The following DLG2 variants were observed in gnomAD, a reference collection of about 807,000 sequenced individuals.
DLG2 encodes the protein disks large homolog 2.
Under a neutral mutation model 132.5 loss-of-function variants are expected in DLG2, and 45 were observed. The ratio of observed to expected loss-of-function variants is 0.34; its 90% CI spans 0.27 to 0.44. DLG2 has a LOEUF of 0.44. Ranked by LOEUF, DLG2 falls within the 20% of genes least tolerant of loss-of-function variation. The pLI, the probability that DLG2 is intolerant of heterozygous loss-of-function variation, is 1.00. For missense variants in DLG2, 1,045 were observed against 1,196.9 expected, an observed-to-expected ratio of 0.87 and a Z score of 1.87; for synonymous variants, 424 against 419.6, an observed-to-expected ratio of 1.01 and a Z score of -0.13.
At chr11:83,641,910 TGTGA>T (rs2066671514) in intron 18 of DLG2, among the ~76,000 whole-genome samples, 2 of 151,664 alleles carry the variant, frequency 1.3e-5, no homozygotes, top group Non-Finnish European at 2.9e-5. Flanking sequence ...TTTGTGTGTG[TGTGA>T]GAGAGAGAGA....
intron 6 of DLG2, among the ~76,000 whole-genome samples, chr11:84,621,117 A>G (rs1472089758): frequency 5.3e-5 from 8 of 152,112 alleles, no homozygotes; most frequent in African/African-American, 1.9e-4. Context: ...GGGAATGGGA[A>G]AAGGTACCCT....
chr11:83,633,145 G>T, intron 19 of DLG2, 66 bp downstream of exon 19: 1 of 1,427,718 alleles, frequency 7.0e-7, no homozygotes, highest in Non-Finnish European at 9.9e-7. Flanking sequence ...GCTACATGGT[G>T]TTGCCTTTGT....
intron 4 of DLG2, among the ~76,000 whole-genome samples, chr11:85,178,354 G>A (rs1409048499): frequency 1.3e-5 from 2 of 151,894 alleles, no homozygotes; most frequent in African/African-American, 4.8e-5. Flanking sequence ...GTTAATTTTG[G>A]AGAATCTGAG....
intron 11 of DLG2, among the ~76,000 whole-genome samples, chr11:84,056,442 C>T (rs1478468000): frequency 6.6e-6 from 1 of 152,056 alleles, no homozygotes. Flanking sequence ...GGCTCAGGCT[C>T]CATTATAGAG....
intron 2 of DLG2, among the ~76,000 whole-genome samples, chr11:85,601,966 C>T (rs1038641433): frequency 9.2e-5 from 14 of 152,282 alleles, no homozygotes; most frequent in Admixed American, 5.9e-4. Context: ...TCAAGACTTC[C>T]GAATGTATAT....
chr11:83,656,112 A>G (rs533400262), intron 18 of DLG2, among the ~76,000 whole-genome samples: 1 of 152,338 alleles, frequency 6.6e-6, no homozygotes, highest in Admixed American at 6.5e-5. Context: ...CTGGTTTTGC[A>G]GAGAACTCAG....
At chr11:84,866,320 C>T (rs1026879858) in intron 6 of DLG2, among the ~76,000 whole-genome samples, 2 of 152,110 alleles carry the variant, frequency 1.3e-5, no homozygotes, top group African/African-American at 4.8e-5. Flanking sequence ...AAAACCACAA[C>T]CCACAAACCC....
rs141328056 is a variant in DLG2, at chr11:84,229,853, T to C, written c.573+21385A>G. 1.6e-4 allele frequency among the ~76,000 whole-genome samples: 24 copies of C among 152,322 alleles called. No homozygotes were observed. In the East Asian group the frequency reaches 4.4e-3, roughly 28 times the overall value. On this transcript the variant is annotated intron_variant, in intron 8 of 27. Transcript: ENST00000376104. Reference sequence around the variant, plus strand: ...TGTGAGGATCAAATTAATTAACACATGTAAAGCATGTAAAACAGTACCCAG... The same window carrying C: ...TGTGAGGATCAAATTAATTAACACACGTAAAGCATGTAAAACAGTACCCAG...
chr11:84,353,930 G>T (rs140294246), intron 7 of DLG2, among the ~76,000 whole-genome samples: 1 of 152,226 alleles, frequency 6.6e-6, no homozygotes, highest in East Asian at 1.9e-4. Context: ...TCAGATAGCT[G>T]ATATAAGATC....
chr11:85,472,856 A>G (rs562037390), intron 3 of DLG2, among the ~76,000 whole-genome samples: 40 of 152,344 alleles, frequency 2.6e-4, no homozygotes, highest in African/African-American at 9.1e-4. Context: ...GCTGTAACAC[A>G]AACTAACTGA....
intron 5 of DLG2, among the ~76,000 whole-genome samples, chr11:85,128,904 C>A (rs2075418659): frequency 6.6e-6 from 1 of 152,084 alleles, no homozygotes; most frequent in South Asian, 2.1e-4. Flanking sequence ...CACATTTTTC[C>A]ATATACCAGG....
At chr11:84,879,076 A>T (rs914471332) in intron 6 of DLG2, among the ~76,000 whole-genome samples, 5 of 152,140 alleles carry the variant, frequency 3.3e-5, no homozygotes, top group African/African-American at 1.2e-4. Context: ...ACTAAACTAT[A>T]GTTGTGAAGC....
intron 9 of DLG2, among the ~76,000 whole-genome samples, chr11:84,106,730 C>T (rs1021010669): frequency 6.6e-6 from 1 of 151,654 alleles, no homozygotes; most frequent in African/African-American, 2.4e-5. Context: ...AATAAATAGG[C>T]CAAGAGAGAA....
intron 18 of DLG2, among the ~76,000 whole-genome samples, chr11:83,769,492 A>C (rs1181195447): frequency 6.6e-6 from 1 of 151,722 alleles, no homozygotes; most frequent in Non-Finnish European, 1.5e-5. Flanking sequence ...CAGAGGAAGC[A>C]GTGTTCCTCT....
intron 16 of DLG2, 49 bp downstream of exon 16, chr11:83,874,371 T>C: frequency 7.5e-7 from 1 of 1,330,064 alleles, no homozygotes; most frequent in Non-Finnish European, 1.0e-6. Context: ...AAGGAAGACT[T>C]CATATTCCAA....
intron 8 of DLG2, among the ~76,000 whole-genome samples, chr11:84,167,283 C>T (rs1267783118): frequency 6.6e-6 from 1 of 152,142 alleles, no homozygotes; most frequent in African/African-American, 2.4e-5. Flanking sequence ...ATGTAGCCTT[C>T]CTAGAATCAT....
intron 5 of DLG2, among the ~76,000 whole-genome samples, chr11:85,126,188 C>A (rs1007879875): frequency 2.0e-5 from 3 of 152,076 alleles, no homozygotes; most frequent in African/African-American, 7.2e-5. Flanking sequence ...GAAGGTAACA[C>A]AGATTTAAAA....
At chr11:84,979,062 C>T (rs1394055753) in intron 6 of DLG2, among the ~76,000 whole-genome samples, 2 of 152,126 alleles carry the variant, frequency 1.3e-5, no homozygotes, top group Non-Finnish European at 2.9e-5. Flanking sequence ...TGAAAAAATG[C>T]TCATCATCAC....
rs2061572521 is a variant in DLG2 at position 85,038,215 on chromosome 11, A to G, written c.357+73446T>C. Among the ~76,000 whole-genome samples, 2 of 152,154 alleles carry G rather than the reference A, an allele frequency of 1.3e-5. 1 individual carries two copies. The highest frequency in any genetic ancestry group is 2.9e-5 in the Non-Finnish European group (2 of 67,994). ...TTCTCACAAAAATCAGAAGTGATACATATTGATCACTCAGAAAGCTACAGA... is the reference window on the plus strand; with the variant it reads ...TTCTCACAAAAATCAGAAGTGATACGTATTGATCACTCAGAAAGCTACAGA... On this transcript the variant is annotated intron_variant, in intron 6 of 27. Coordinates refer to ENST00000376104, the MANE Select transcript of DLG2 (RefSeq NM_001142699.3).
Sources: allele counts gnomAD v4.1 joint callset (sites outside exome capture counted in the v4.1 genomes callset), GRCh38; gene constraint gnomAD v4.1.1; transcripts MANE v1.5; gene names NCBI Gene and HGNC (gene_info 2026-07-23, HGNC 2026-07-21).